The following PCDH15 variants were observed in gnomAD, a reference collection of about 807,000 sequenced individuals.
The protein encoded by PCDH15 is protocadherin-15.
In PCDH15, 129 loss-of-function variants were observed where a neutral mutation model predicts 178.5. The observed-to-expected ratio is 0.72, with a 90% confidence interval of 0.63 to 0.84. PCDH15 has a LOEUF of 0.84. Ranked by LOEUF, PCDH15 falls within the 40% of genes least tolerant of loss-of-function variation. The pLI is 0.00. For missense variants in PCDH15, 2,230 were observed against 2,099.9 expected (o/e 1.06, Z -1.21); for synonymous variants, 800 against 732.0 (o/e 1.09, Z -1.50).
chr10:54,145,361 G>T (rs1399918588), intron 14 of PCDH15, among the ~76,000 whole-genome samples: 2 of 151,950 alleles, frequency 1.3e-5, no homozygotes, highest in African/African-American at 2.4e-5. Context: ...TAAGATGAAG[G>T]TTACAGATAT....
intron 8 of PCDH15, among the ~76,000 whole-genome samples, chr10:54,248,225 G>T (rs2056175610): frequency 6.6e-6 from 1 of 151,674 alleles, no homozygotes; most frequent in African/African-American, 2.4e-5. Flanking sequence ...GAAGTAAAAA[G>T]GGATTATCTA....
intron 2 of PCDH15, among the ~76,000 whole-genome samples, chr10:54,975,707 A>C (rs1257854082): frequency 1.3e-5 from 2 of 152,200 alleles, no homozygotes; most frequent in African/African-American, 2.4e-5. Context: ...CTCTTAGTTA[A>C]GTGAGATATA....
At chr10:54,497,345 C>T (rs2080224134) in intron 3 of PCDH15, among the ~76,000 whole-genome samples, 1 of 151,870 alleles carries the variant, frequency 6.6e-6, no homozygotes, top group Non-Finnish European at 1.5e-5. Flanking sequence ...GCCCCCACAG[C>T]TGAGAAAGAA....
intron 14 of PCDH15, among the ~76,000 whole-genome samples, chr10:54,137,057 A>T (rs2042968714): frequency 6.6e-6 from 1 of 152,192 alleles, no homozygotes; most frequent in Admixed American, 6.5e-5. Context: ...TGTCAGAGTT[A>T]GCTTTTCTAA....
intron 5 of PCDH15, among the ~76,000 whole-genome samples, chr10:54,347,306 G>A (rs1354343496): frequency 6.6e-6 from 1 of 151,870 alleles, no homozygotes; most frequent in African/African-American, 2.4e-5. Flanking sequence ...AACTTAATTA[G>A]ATATCAGCTT....
At chr10:55,436,014 A>AT (rs891878441) in intron 2 of PCDH15, among the ~76,000 whole-genome samples, 2 of 152,182 alleles carry the variant, frequency 1.3e-5, no homozygotes, top group Admixed American at 6.5e-5. Flanking sequence ...AAAGTTCGTC[A>AT]TTTTTTAATT....
intron 2 of PCDH15, among the ~76,000 whole-genome samples, chr10:55,110,356 T>C (rs956224964): frequency 1.3e-5 from 2 of 152,030 alleles, no homozygotes; most frequent in African/African-American, 4.8e-5. Context: ...TAATAGATGT[T>C]TTCATTAAGA....
chr10:54,310,940 A>G (rs1400324466), intron 8 of PCDH15, among the ~76,000 whole-genome samples: 2 of 152,130 alleles, frequency 1.3e-5, no homozygotes, highest in Non-Finnish European at 2.9e-5. Flanking sequence ...AGACTGTAAT[A>G]TATTTAATGT....
intron 2 of PCDH15, among the ~76,000 whole-genome samples, chr10:55,445,775 A>G (rs1192297570): frequency 6.6e-6 from 1 of 152,170 alleles, no homozygotes; most frequent in South Asian, 2.1e-4. Flanking sequence ...TGAAAACAGG[A>G]GGATCACGTG....
At chr10:54,092,041 T>C (rs1259131529) in intron 15 of PCDH15, among the ~76,000 whole-genome samples, 1 of 152,058 alleles carries the variant, frequency 6.6e-6, no homozygotes, top group Non-Finnish European at 1.5e-5. Flanking sequence ...CAAATCTAGA[T>C]CTCCTTTCCA....
At chr10:54,228,248 C>T (rs2053666103) in intron 9 of PCDH15, among the ~76,000 whole-genome samples, 1 of 152,134 alleles carries the variant, frequency 6.6e-6, no homozygotes, top group Admixed American at 6.5e-5. Flanking sequence ...GCTGAGGAAG[C>T]TTTACAATCA....
At chr10:53,920,033 G>A (rs1176730905) in intron 25 of PCDH15, among the ~76,000 whole-genome samples, 2 of 152,100 alleles carry the variant, frequency 1.3e-5, no homozygotes, top group Admixed American at 6.6e-5. Context: ...ATTTCTATAT[G>A]CCTTCATTTG....
chr10:54,337,763 G>A (rs1346095357), intron 6 of PCDH15, among the ~76,000 whole-genome samples: 5 of 152,072 alleles, frequency 3.3e-5, no homozygotes, highest in African/African-American at 1.2e-4. Flanking sequence ...TCAGTGTATA[G>A]AACAGTCATG....
chr10:54,908,168 A>G (rs1021939473), intron 2 of PCDH15, among the ~76,000 whole-genome samples: 3 of 152,168 alleles, frequency 2.0e-5, no homozygotes, highest in Admixed American at 1.3e-4. Context: ...CAACTCTGCT[A>G]CATGCTTGGA....
chr10:54,114,198 A>C (rs1415359895), intron 15 of PCDH15, among the ~76,000 whole-genome samples: 1 of 152,156 alleles, frequency 6.6e-6, no homozygotes, highest in Non-Finnish European at 1.5e-5. Flanking sequence ...ATTATACTTC[A>C]TCACTTGGGT....
chr10:55,538,400 T>TCCTTCCTTCCTTCCTCCCTCCCTC (rs1564441780), intron 2 of PCDH15, among the ~76,000 whole-genome samples: 1 of 68,920 alleles, frequency 1.5e-5, no homozygotes, highest in Non-Finnish European at 2.9e-5. Flanking sequence ...CTTCCTTTCT[T>TCCTTCCTTCCTTCCTCCCTCCCTC]CCTTCCTTCC....
At chr10:54,262,543 G>A (rs4556451) in intron 8 of PCDH15, among the ~76,000 whole-genome samples, 103,853 of 151,930 alleles carry the variant, frequency 0.68, 36,496 homozygotes, top group Middle Eastern at 0.76. Context: ...GAGGCCAGAG[G>A]ACAAATCAGT....
At chr10:55,584,020 G>T (rs1842675470) in intron 2 of PCDH15, among the ~76,000 whole-genome samples, 1 of 151,932 alleles carries the variant, frequency 6.6e-6, no homozygotes, top group African/African-American at 2.4e-5. Flanking sequence ...TGGGACTACA[G>T]GGTCATGCCA....
intron 2 of PCDH15, among the ~76,000 whole-genome samples, chr10:54,992,462 G>C (rs966808215): frequency 6.6e-6 from 1 of 152,056 alleles, no homozygotes; most frequent in Non-Finnish European, 1.5e-5. Flanking sequence ...AGTGAAAAAG[G>C]GTGAAGTTGA....
Sources: gnomAD v4.1 joint callset for allele counts (sites outside exome capture counted in the v4.1 genomes callset) on GRCh38, gnomAD v4.1.1 for gene constraint, MANE v1.5 for transcripts, NCBI Gene and HGNC (gene_info 2026-07-23, HGNC 2026-07-21) for gene names.